Variants in HEPHL1 observed in about 807,000 individuals in gnomAD.
HEPHL1 encodes the protein hephaestin like 1.
HEPHL1 carries 123 observed loss-of-function variants against 122.0 expected under a neutral mutation model. The ratio of observed to expected loss-of-function variants is 1.01; its 90% CI spans 0.87 to 1.17. The LOEUF is 1.17. HEPHL1 is among the 50% of genes most tolerant of loss of function. The pLI is 0.00. For missense variants in HEPHL1, 1,452 were observed against 1,430.5 expected, an observed-to-expected ratio of 1.01 and a Z score of -0.24; for synonymous variants, 527 against 508.9, an observed-to-expected ratio of 1.04 and a Z score of -0.48.
In HEPHL1 at chr11:94,110,892, C is replaced by T. The variant is rs1186460682; in HGVS notation, c.3046-11C>T. 4.4e-6 allele frequency: 7 copies of T among 1,603,474 alleles called. No homozygotes were observed. The highest frequency in any genetic ancestry group is 2.2e-5 in the East Asian group (1 of 44,648). ...GGCTACTAGCTGTTGTTTTTTAAAA[C>T]GTTTTTGCAGATAGATAAATCTTAC... is the stretch of plus-strand genomic sequence containing the variant. On this transcript the variant is annotated splice_polypyrimidine_tract_variant and intron_variant, in intron 17 of 19. Transcript: ENST00000315765.
At chr11:94,077,822 T>G (rs1946138705) in intron 9 of HEPHL1, among the ~76,000 whole-genome samples, 1 of 152,216 alleles carries the variant, frequency 6.6e-6, no homozygotes, top group Non-Finnish European at 1.5e-5. Context: ...CAAGCTTGTC[T>G]TTGGCTTTGG....
chr11:94,111,342 T>G lies in HEPHL1; in HGVS notation c.3209-195T>G, dbSNP rs535538730. 6.2e-4 allele frequency among the ~76,000 whole-genome samples: 94 copies of G among 152,088 alleles called. 2 individuals carry two copies. The highest frequency in any genetic ancestry group is 2.2e-3 in the African/African-American group (91 of 41,488). The stretch of plus-strand genomic sequence containing the variant: ...GCCATGATGCTCCAGATAGACTCAG[T>G]GGGTGAGCAGAAGTGGGAAAGACAG... On this transcript the variant is annotated intron_variant, in intron 18 of 19. Transcript: ENST00000315765.
Position 94,097,756 on chromosome 11 carries a change from C to A in HEPHL1, c.2435-3439C>A, listed in dbSNP as rs1442776372. ...TTAGCTCTTCTTGTTGAATTGATCC[C>A]TTTACCAGTATGTAATGGCCTTCTT... On this transcript the variant is annotated intron_variant, in intron 13 of 19. Coordinates refer to ENST00000315765, the MANE Select transcript of HEPHL1 (RefSeq NM_001098672.2). Among the ~76,000 whole-genome samples, 6 of 152,162 alleles carry A rather than the reference C, an allele frequency of 3.9e-5. No homozygotes were observed. In the East Asian group the frequency reaches 5.8e-4, roughly 15 times the overall value.
At chr11:94,064,121 A>G (rs1021757247) in intron 3 of HEPHL1, among the ~76,000 whole-genome samples, 4 of 152,164 alleles carry the variant, frequency 2.6e-5, no homozygotes, top group African/African-American at 9.7e-5. Context: ...CAGTCTTCCA[A>G]GTATGTGATT....
intron 13 of HEPHL1, among the ~76,000 whole-genome samples, chr11:94,094,017 A>AAAAAG (rs1946287862): frequency 2.3e-5 from 2 of 87,630 alleles, no homozygotes; most frequent in African/African-American, 8.9e-5. Flanking sequence ...TATATATAAA[A>AAAAAG]CTTTAAGTTC....
intron 1 of HEPHL1, among the ~76,000 whole-genome samples, chr11:94,034,274 C>T (rs758666650): frequency 5.3e-5 from 8 of 152,166 alleles, no homozygotes; most frequent in Non-Finnish European, 1.2e-4. Context: ...ATCTTCTGCT[C>T]CATGCGGGAT....
At position 94,063,511 on chromosome 11, in the gene HEPHL1, C is replaced by A. The variant is rs1197508797; in HGVS notation, c.419C>A (p.Ala140Asp). 5 of 1,599,332 alleles carry A rather than the reference C, an allele frequency of 3.1e-6. No homozygotes were observed. In the South Asian group the frequency reaches 5.6e-5, roughly 18 times the overall value. ...GVFYNKDSEG[A>D]LYPDGTSGRN... Reference sequence around the variant, plus strand: ...TTTTAATTTTATTTTTTGGAAGGAGCCCTATACCCAGATGGAACATCTGGA... The same window carrying A: ...TTTTAATTTTATTTTTTGGAAGGAGACCTATACCCAGATGGAACATCTGGA... Residue 140 changes from alanine (A) to aspartate (D), a missense_variant, in exon 3 of 20, where the codon GCC (alanine) becomes GAC (aspartate). By Grantham distance (126) the Ala-to-Asp change is moderately radical (BLOSUM62 -2). Transcript: ENST00000315765.
chr11:94,068,783 C>T (rs1946053805), intron 5 of HEPHL1, among the ~76,000 whole-genome samples: 1 of 152,156 alleles, frequency 6.6e-6, no homozygotes. Flanking sequence ...ACCTAAACGT[C>T]TGCCCTAAGA....
chr11:94,067,893 T>TAA, intron 5 of HEPHL1, 143 bp downstream of exon 5: 1 of 692,226 alleles, frequency 1.4e-6, no homozygotes, highest in East Asian at 2.7e-5. Context: ...CAGGAAAATA[T>TAA]AACGCTCATC....
chr11:94,073,954 G>C (rs1462602048), intron 8 of HEPHL1, among the ~76,000 whole-genome samples: 1 of 152,152 alleles, frequency 6.6e-6, no homozygotes, highest in African/African-American at 2.4e-5. Context: ...CCCCATCACA[G>C]AGTACATGGC....
intron 3 of HEPHL1, among the ~76,000 whole-genome samples, chr11:94,064,008 G>C (rs1354962622): frequency 6.6e-6 from 1 of 152,168 alleles, no homozygotes; most frequent in Non-Finnish European, 1.5e-5. Flanking sequence ...AATGCCTTCT[G>C]CTTCATTATT....
intron 1 of HEPHL1, among the ~76,000 whole-genome samples, chr11:94,032,450 C>T (rs147807458): frequency 6.3e-4 from 96 of 152,284 alleles, no homozygotes; most frequent in African/African-American, 2.0e-3. Context: ...AACCTTGCTG[C>T]GCTCTCTTTA....
chr11:94,106,735 C>T (rs909654022), intron 17 of HEPHL1, among the ~76,000 whole-genome samples: 12 of 152,108 alleles, frequency 7.9e-5, no homozygotes, highest in South Asian at 2.1e-4. Context: ...TATGAAACCA[C>T]GGACACTGAC....
At chr11:94,110,426 T>C (rs1946439285) in intron 17 of HEPHL1, among the ~76,000 whole-genome samples, 1 of 152,202 alleles carries the variant, frequency 6.6e-6, no homozygotes, top group Middle Eastern at 3.2e-3. Context: ...CTTACTGATA[T>C]GGTTGTTAAC....
chr11:94,037,032 C>T (rs532909068), intron 1 of HEPHL1, among the ~76,000 whole-genome samples: 26 of 152,316 alleles, frequency 1.7e-4, no homozygotes, highest in Admixed American at 1.6e-3. Flanking sequence ...CGAGCCGAAG[C>T]AGGGCAAGGC....
chr11:94,110,842 T>G (rs2134456618), intron 17 of HEPHL1, 61 bp from the exon 18 acceptor site: 1 of 1,370,740 alleles, frequency 7.3e-7, no homozygotes. Context: ...CTCTTCTTTC[T>G]GTTCTTGCTG....
At chr11:94,107,215 A>G (rs1946416357) in intron 17 of HEPHL1, among the ~76,000 whole-genome samples, 1 of 152,192 alleles carries the variant, frequency 6.6e-6, no homozygotes, top group Admixed American at 6.5e-5. Flanking sequence ...AACATTTAAT[A>G]TCCTTTCTCC....
intron 13 of HEPHL1, among the ~76,000 whole-genome samples, chr11:94,096,826 C>G (rs1946320240): frequency 6.6e-6 from 1 of 152,188 alleles, no homozygotes; most frequent in Non-Finnish European, 1.5e-5. Flanking sequence ...ATAGTATTCT[C>G]TGATGGTAGT....
intron 5 of HEPHL1, among the ~76,000 whole-genome samples, chr11:94,069,830 G>A (rs897584889): frequency 6.6e-6 from 1 of 152,068 alleles, no homozygotes; most frequent in Admixed American, 6.6e-5. Context: ...GAATTTCTGG[G>A]TCAAAGAGTA....
Sources: allele counts gnomAD v4.1 joint callset (sites outside exome capture counted in the v4.1 genomes callset), GRCh38; gene constraint gnomAD v4.1.1; transcripts MANE v1.5; gene names NCBI Gene and HGNC (gene_info 2026-07-23, HGNC 2026-07-21).